Variants in PHF24 observed in about 807,000 individuals in gnomAD.
The protein encoded by PHF24 is Galpha inhibitory interacting protein.
PHF24 carries 25 observed loss-of-function variants against 42.6 expected under a neutral mutation model. The observed-to-expected ratio is 0.59, with a 90% CI of 0.43 to 0.82. The LOEUF is 0.82. Among genes scored for constraint, PHF24 ranks in the 40% least tolerant of loss-of-function variants. The pLI, the probability that PHF24 is intolerant of heterozygous loss-of-function variation, is 0.00. For synonymous variants in PHF24, 185 were observed against 204.8 expected (o/e 0.90, Z 0.83); for missense variants, 470 against 538.1 (o/e 0.87, Z 1.25).
At chr9:34,847,719 G>A in the PHF24 span, among the ~76,000 whole-genome samples, 6 of 151,760 alleles carry the variant, frequency 4.0e-5, no homozygotes, top group African/African-American at 7.3e-5. Flanking sequence ...CCCATTCAGT[G>A]TGATATTGGC....
At chr9:34,894,723 C>T in the PHF24 span, among the ~76,000 whole-genome samples, 1 of 152,208 alleles carries the variant, frequency 6.6e-6, no homozygotes, top group South Asian at 2.1e-4. Flanking sequence ...TCATCACATG[C>T]CCATTTTATG....
chr9:34,777,483 G>A, the PHF24 span, among the ~76,000 whole-genome samples: 1 of 152,150 alleles, frequency 6.6e-6, no homozygotes, highest in Non-Finnish European at 1.5e-5. Context: ...GTGAAGTTGG[G>A]CAATGGCCGT....
the PHF24 span, among the ~76,000 whole-genome samples, chr9:34,825,386 A>G: frequency 6.6e-6 from 1 of 152,092 alleles, no homozygotes; most frequent in Non-Finnish European, 1.5e-5. Flanking sequence ...AAGGACAAGC[A>G]ATGGGACAGA....
At chr9:34,758,221 G>T in the PHF24 span, among the ~76,000 whole-genome samples, 1 of 152,174 alleles carries the variant, frequency 6.6e-6, no homozygotes, top group Non-Finnish European at 1.5e-5. The surrounding 1 kb of genome is among the most constrained non-coding windows in gnomAD (Gnocchi z 4.4). Flanking sequence ...GACCTTGATA[G>T]CAGGCATGGA....
chr9:34,935,565 G>A, the PHF24 span, among the ~76,000 whole-genome samples: 1 of 145,556 alleles, frequency 6.9e-6, no homozygotes, highest in Non-Finnish European at 1.5e-5. Flanking sequence ...CTGCACTCCA[G>A]CCTGGGGGAC....
At chr9:34,962,172 C>G (rs2132858610) in intron 1 of PHF24, among the ~76,000 whole-genome samples, 1 of 152,334 alleles carries the variant, frequency 6.6e-6, no homozygotes, top group South Asian at 2.1e-4. Flanking sequence ...AATACATATT[C>G]TAACAAATAT....
the PHF24 span, among the ~76,000 whole-genome samples, chr9:34,950,351 CAA>C: frequency 1.0e-4 from 7 of 68,280 alleles, no homozygotes; most frequent in Admixed American, 1.6e-4. Context: ...GACTCTGTCT[CAA>C]AAAAAAAAAA....
At chr9:34,707,726 CCTT>C in the PHF24 span, among the ~76,000 whole-genome samples, 1 of 151,926 alleles carries the variant, frequency 6.6e-6, no homozygotes, top group African/African-American at 2.4e-5. Flanking sequence ...TTCTTCTCCT[CCTT>C]TTTTTTTCTT....
the PHF24 span, among the ~76,000 whole-genome samples, chr9:34,698,290 G>GC: frequency 6.6e-6 from 1 of 152,132 alleles, no homozygotes; most frequent in South Asian, 2.1e-4. Context: ...CCTAGTCAGT[G>GC]TTTTTCAAGA....
chr9:34,709,116 CCTT>C, the PHF24 span: 1 of 540,312 alleles, frequency 1.9e-6, no homozygotes, highest in Admixed American at 3.6e-5. Context: ...TGATGATTCT[CCTT>C]CAAGGGGACA....
At chr9:34,905,293 A>G in the PHF24 span, among the ~76,000 whole-genome samples, 1 of 152,182 alleles carries the variant, frequency 6.6e-6, no homozygotes, top group Non-Finnish European at 1.5e-5. Flanking sequence ...ACCTCCTACC[A>G]GAGGAGAACA....
chr9:34,859,303 C>A, the PHF24 span, among the ~76,000 whole-genome samples: 6 of 152,164 alleles, frequency 3.9e-5, no homozygotes, highest in African/African-American at 1.4e-4. Context: ...TCAGGCATCC[C>A]CTAAACATCC....
the PHF24 span, among the ~76,000 whole-genome samples, chr9:34,792,884 G>A: frequency 6.6e-6 from 1 of 152,132 alleles, no homozygotes; most frequent in East Asian, 1.9e-4. Flanking sequence ...GTTTCCCCAG[G>A]AGGTGGAAAT....
chr9:34,821,429 C>G, the PHF24 span, among the ~76,000 whole-genome samples: 1 of 152,080 alleles, frequency 6.6e-6, no homozygotes, highest in Non-Finnish European at 1.5e-5. Flanking sequence ...TCAGGGTTCC[C>G]TTTCCTTTAT....
the PHF24 span, chr9:34,833,042 A>G: frequency 1.9e-6 from 3 of 1,551,200 alleles, no homozygotes; most frequent in Non-Finnish European, 2.6e-6. Context: ...GTTTGGAAGC[A>G]TCCCTGCTGG....
At chr9:34,709,336 A>C in the PHF24 span, 10 of 1,593,432 alleles carry the variant, frequency 6.3e-6, no homozygotes, top group Non-Finnish European at 8.5e-6. Flanking sequence ...TCTTGGGTTC[A>C]GGCTTCAAGC....
the PHF24 span, among the ~76,000 whole-genome samples, chr9:34,813,947 A>G: frequency 4.6e-5 from 7 of 152,176 alleles, no homozygotes; most frequent in African/African-American, 1.7e-4. Flanking sequence ...ATTCAGCCAG[A>G]TAGGTCTATT....
the PHF24 span, among the ~76,000 whole-genome samples, chr9:34,668,286 G>C: frequency 6.6e-6 from 1 of 152,170 alleles, no homozygotes; most frequent in Non-Finnish European, 1.5e-5. Flanking sequence ...TAGAGAGACA[G>C]AGCCTATAAA....
chr9:34,931,972 A>G, the PHF24 span, among the ~76,000 whole-genome samples: 1 of 152,210 alleles, frequency 6.6e-6, no homozygotes, highest in Non-Finnish European at 1.5e-5. Context: ...AGCTCAACCC[A>G]TAAGCCTAAA....
Sources: gnomAD v4.1 joint callset for allele counts (sites outside exome capture counted in the v4.1 genomes callset) on GRCh38, gnomAD v4.1.1 for gene constraint, Gnocchi (gnomAD v3.1) non-coding constraint, MANE v1.5 for transcripts, NCBI Gene and HGNC (gene_info 2026-07-23, HGNC 2026-07-21) for gene names.